Variants in SEC16A observed in about 807,000 individuals in gnomAD.
The protein encoded by SEC16A is SEC16 homolog A, endoplasmic reticulum export factor.
In SEC16A, 110 loss-of-function variants were observed where a neutral mutation model predicts 221.9. The observed-to-expected ratio is 0.50, with a 90% CI of 0.42 to 0.58. The LOEUF (loss-of-function observed/expected upper bound fraction) is 0.58. Ranked by LOEUF, SEC16A falls within the 20% of genes least tolerant of loss-of-function variation. The pLI, the probability that SEC16A is intolerant of heterozygous loss-of-function variation, is 0.00. For synonymous variants in SEC16A, 1,393 were observed against 1,257.7 expected (o/e 1.11, Z -2.28); for missense variants, 3,165 against 3,097.8 (o/e 1.02, Z -0.52).
intron 23 of SEC16A, among the ~76,000 whole-genome samples, chr9:136,449,892 AATG>A (rs1458356384): frequency 6.6e-6 from 1 of 152,190 alleles, no homozygotes; most frequent in Non-Finnish European, 1.5e-5. Context: ...TAAAATGAAG[AATG>A]ATATTTTTCA....
chr9:136,477,991 C>G (rs1274102826), intron 2 of SEC16A, among the ~76,000 whole-genome samples: 1 of 152,180 alleles, frequency 6.6e-6, no homozygotes, highest in African/African-American at 2.4e-5. Context: ...AGACCCGCGC[C>G]ACAACAACAG....
chr9:136,443,942 A>T, intron 30 of SEC16A, 42 bp from the exon 31 acceptor site: 1 of 1,436,630 alleles, frequency 7.0e-7, no homozygotes, highest in Non-Finnish European at 9.5e-7. Flanking sequence ...GCTGCGCTGC[A>T]CAGCAGCTGT....
Position 136,447,803 on chromosome 9 carries a change from T to C in SEC16A, c.6447+50A>G, listed in dbSNP as rs45509099. ...AATATCACAGGGCCACATGAGGCTGTTCCCTCCACTCACACCTCACACCCA... is the reference window on the plus strand; with the variant it reads ...AATATCACAGGGCCACATGAGGCTGCTCCCTCCACTCACACCTCACACCCA... On this transcript the variant is annotated intron_variant, in intron 25 of 31. Coordinates refer to ENST00000684901, the MANE Select transcript of SEC16A (RefSeq NM_014866.2). This position sits in a 1 kb window ranked among gnomAD's most constrained non-coding sequence, Gnocchi z 5.5. 4.5e-3 allele frequency: 7,037 copies of C among 1,571,838 alleles called. 282 individuals are homozygous for C. The African/African-American group carries it at 0.08, about 18-fold the overall frequency.
At position 136,476,154 on chromosome 9, in the gene SEC16A, T is replaced by C. The variant is rs1448791023; in HGVS notation, c.1462A>G (p.Arg488Gly). The change falls in exon 3 of 32, where the codon AGA becomes GGA. Residue 488 changes from arginine (R) to glycine (G), a missense_variant. Transcript: ENST00000684901. ...LDPSSPSDQF[R>G]YGPLPGPAVP... ...GCTGGCCCAGGAAGGGGCCCATATCTGAACTGGTCACTCGGGGAGGAAGGG... is the reference window on the plus strand; with the variant it reads ...GCTGGCCCAGGAAGGGGCCCATATCCGAACTGGTCACTCGGGGAGGAAGGG... 1 of 1,613,890 alleles carries C rather than the reference T, an allele frequency of 6.2e-7. No individual in the cohort carries two copies. Among genetic ancestry groups the C allele is most frequent in the Non-Finnish European group, 8.5e-7 (1 of 1,179,888 alleles).
chr9:136,453,933 G>C (rs1026936693), intron 21 of SEC16A, among the ~76,000 whole-genome samples, 176 bp downstream of exon 21: 3 of 152,242 alleles, frequency 2.0e-5, no homozygotes, highest in Non-Finnish European at 2.9e-5. Context: ...TAACACTGCT[G>C]TTGTAGTGAG....
intron 27 of SEC16A, 38 bp from the exon 28 acceptor site, chr9:136,446,987 C>G (rs113815840): frequency 6.2e-7 from 1 of 1,613,056 alleles, no homozygotes; most frequent in Admixed American, 1.7e-5. Context: ...CATTCCGTCC[C>G]GAACGTCCCT....
Position 136,454,333 on chromosome 9 carries a change from TG to T in SEC16A, c.5858-7del. The stretch of plus-strand genomic sequence containing the variant: ...GTCAGGGAGCGTCTGCGGAGCTGCA[TG>T]GGAACGGTGGAGAAGAGGTCTGGGG... On this transcript the variant is annotated splice_polypyrimidine_tract_variant and splice_region_variant and intron_variant, in intron 20 of 31. Coordinates refer to ENST00000684901, the MANE Select transcript of SEC16A (RefSeq NM_014866.2). 2 of 1,564,436 alleles carry T rather than the reference TG, an allele frequency of 1.3e-6. No homozygotes were observed. Among genetic ancestry groups the T allele is most frequent in the Non-Finnish European group, 1.7e-6 (2 of 1,154,706 alleles).
In SEC16A at chr9:136,476,699, G is replaced by A; in HGVS notation, c.917C>T (p.Pro306Leu). 2 of 1,579,106 alleles carry A rather than the reference G, an allele frequency of 1.3e-6. No individual in the cohort carries two copies. Among genetic ancestry groups the A allele is most frequent in the Non-Finnish European group, 1.7e-6 (2 of 1,160,140 alleles). Residue 306 changes from proline (P) to leucine (L), a missense_variant, in exon 3 of 32, where the codon CCC becomes CTC. Transcript: ENST00000684901. ...SDPESTFRQN[P>L]RIVNHWASPE... ...GCTTGCCCAGTGATTCACAATTCTG[G>A]GATTTTGCCTGAATGTACTTTCAGG...
At position 136,460,187 on chromosome 9, in the gene SEC16A, A is replaced by G. The variant is rs1839288832; in HGVS notation, c.4992-64T>C. On this transcript the variant is annotated intron_variant, in intron 13 of 31. Coordinates refer to ENST00000684901, the MANE Select transcript of SEC16A (RefSeq NM_014866.2). ...CAGCTAAAAGAAAAAAGCCGGCCGG[A>G]CATGATGGCTCACGCCTGTAATCCC... The G allele has an allele frequency of 4.5e-6, 6 of 1,342,520 alleles. No homozygotes were observed. The East Asian group carries it at 1.5e-4, about 34-fold the overall frequency. The allele number at this position is 1,342,520 out of a possible 1,614,324, so 83.2% of individuals were successfully genotyped here. A position where few individuals can be genotyped will look rare whatever the true frequency, so the allele number is the denominator to read the frequency against.
In SEC16A at chr9:136,475,660, G is replaced by A. The variant is rs377168239; in HGVS notation, c.1956C>T (p.Pro652=). 107 of 1,613,606 alleles carry A rather than the reference G, an allele frequency of 6.6e-5. 1 individual carries two copies. The African/African-American group carries it at 1.0e-3, about 16-fold the overall frequency. ...QKQCRPAAAL[P]DASPGNLEQP... is the part of the protein sequence containing the mutation. ...GCTCCAGGTTGCCAGGGGAAGCATC[G>A]GGCAGGGCGGCAGCTGGTCTGCACT... The change falls in exon 3 of 32, where the codon CCC becomes CCT. Residue 652 remains proline (P), a synonymous_variant. Coordinates refer to ENST00000684901, the MANE Select transcript of SEC16A (RefSeq NM_014866.2). This position sits in a 1 kb window ranked among gnomAD's most constrained non-coding sequence, Gnocchi z 5.0.
In SEC16A at chr9:136,447,038, C is replaced by T; in HGVS notation, c.6698-89G>A. 3.7e-6 allele frequency: 6 copies of T among 1,600,142 alleles called. No individual in the cohort carries two copies. Among genetic ancestry groups the T allele is most frequent in the Non-Finnish European group, 5.1e-6 (6 of 1,174,386 alleles). ...ACACTCCGAGAGGAAGAGAGTTTCA[C>T]ACTGCACACGCGGCACACTCATGCA... On this transcript the variant is annotated intron_variant, in intron 27 of 31. Coordinates refer to ENST00000684901, the MANE Select transcript of SEC16A (RefSeq NM_014866.2). This position sits in a 1 kb window ranked among gnomAD's most constrained non-coding sequence, Gnocchi z 5.5.
Position 136,443,879 on chromosome 9 carries a change from C to T in SEC16A, c.6949G>A (p.Ala2317Thr). The change falls in exon 31 of 32, where the codon GCA (alanine) becomes ACA (threonine). Residue 2317 changes from alanine (A) to threonine (T), a missense_variant. Coordinates refer to ENST00000684901, the MANE Select transcript of SEC16A (RefSeq NM_014866.2). ...ATGGCCCCGCTGGGAGGGCCCCCTG[C>T]AGCAGGGAGGTCGCCAGGAGCCTGA... ...FNQAPGDLPA[A>T]GGPPSGAMPF... 6.2e-7 allele frequency: 1 copy of T among 1,610,848 alleles called. No individual in the cohort carries two copies. The highest frequency in any genetic ancestry group is 8.5e-7 in the Non-Finnish European group (1 of 1,178,656).
chr9:136,447,167 A>G lies in SEC16A; in HGVS notation c.6697+60T>C. On this transcript the variant is annotated intron_variant, in intron 27 of 31. Transcript: ENST00000684901. The surrounding 1 kb of genome is among the most constrained non-coding windows in gnomAD (Gnocchi z 5.5). ...AGATTTAGGAGAGACTCATAGAAAG[A>G]GGATCAAAGGTCAGGAGACTGGGGG... is the stretch of plus-strand genomic sequence containing the variant. The G allele has an allele frequency of 1.9e-6, 3 of 1,552,522 alleles. No homozygotes were observed. Among genetic ancestry groups the G allele is most frequent in the East Asian group, 4.8e-5 (2 of 41,952 alleles).
chr9:136,446,721 G>A, intron 28 of SEC16A, 134 bp downstream of exon 28: 1 of 851,790 alleles, frequency 1.2e-6, no homozygotes, highest in South Asian at 1.9e-5. Flanking sequence ...CCATACATAA[G>A]TGTGAGGCGT....
At chr9:136,473,051 G>A (rs1489452342) in intron 3 of SEC16A, among the ~76,000 whole-genome samples, 1 of 152,242 alleles carries the variant, frequency 6.6e-6, no homozygotes, top group South Asian at 2.1e-4. Context: ...ACCTACACAG[G>A]TCTGAGGGGT....
chr9:136,466,234 T>C lies in SEC16A; in HGVS notation c.4128+30A>G. 1 of 1,587,856 alleles carries C rather than the reference T, an allele frequency of 6.3e-7. No individual in the cohort carries two copies. Among genetic ancestry groups the C allele is most frequent in the Non-Finnish European group, 8.6e-7 (1 of 1,165,090 alleles). ...AGGATGGTGGTTCTAAACACAACCG[T>C]CCGCGTGTCTGTGAGGCGCCGCCGC... On this transcript the variant is annotated intron_variant, in intron 7 of 31. Coordinates refer to ENST00000684901, the MANE Select transcript of SEC16A (RefSeq NM_014866.2). This position sits in a 1 kb window ranked among gnomAD's most constrained non-coding sequence, Gnocchi z 5.5.
intron 1 of SEC16A, among the ~76,000 whole-genome samples, chr9:136,481,052 G>T (rs960732227): frequency 1.3e-5 from 2 of 150,270 alleles, no homozygotes; most frequent in East Asian, 1.9e-4. Context: ...TGATTTTTTT[G>T]ATCTTTTTCT....
At chr9:136,465,871 A>AG in intron 8 of SEC16A, 91 bp downstream of exon 8, 3 of 1,343,810 alleles carry the variant, frequency 2.2e-6, no homozygotes, top group Non-Finnish European at 3.1e-6. Flanking sequence ...CACAATTCCA[A>AG]TCCCAGCCCT....
intron 1 of SEC16A, among the ~76,000 whole-genome samples, chr9:136,480,925 G>C (rs1160236918): frequency 6.6e-6 from 1 of 151,860 alleles, no homozygotes; most frequent in Non-Finnish European, 1.5e-5. Context: ...CCTAGACTAA[G>C]AGCTTTTTTA....
Sources: allele counts gnomAD v4.1 joint callset (sites outside exome capture counted in the v4.1 genomes callset), GRCh38; gene constraint gnomAD v4.1.1; non-coding constraint Gnocchi (gnomAD v3.1); transcripts MANE v1.5; gene names NCBI Gene and HGNC (gene_info 2026-07-23, HGNC 2026-07-21).